The following BEND6 variants were observed in gnomAD, a reference collection of about 807,000 sequenced individuals.
The protein encoded by BEND6 is BEN domain containing 6, also known as BEN domain-containing protein 6.
Under a neutral mutation model 31.8 loss-of-function variants are expected in BEND6, and 24 were observed. That is an observed-to-expected ratio of 0.75 (90% CI 0.55 to 1.06). The LOEUF is 1.06. Among genes scored for constraint, BEND6 ranks in the 50% least tolerant of loss-of-function variants. BEND6 has a pLI of 0.00. For missense variants in BEND6, 294 were observed against 327.4 expected (o/e 0.90, Z 0.79); for synonymous variants, 109 against 114.6 (o/e 0.95, Z 0.31).
chr6:57,023,511 T>C (rs1178890159), intron 6 of BEND6, among the ~76,000 whole-genome samples: 1 of 152,202 alleles, frequency 6.6e-6, no homozygotes, highest in Non-Finnish European at 1.5e-5. Flanking sequence ...TGTGTCTTTA[T>C]AGGTGAAGTG....
At chr6:57,008,927 TATA>T (rs1357961938) in intron 3 of BEND6, 1 of 152,192 alleles carries the variant, frequency 6.6e-6, no homozygotes, top group Non-Finnish European at 1.5e-5. Context: ...ATGTGGCATA[TATA>T]CACAATGGAA....
At chr6:56,968,166 T>A (rs879348377) in intron 1 of BEND6, among the ~76,000 whole-genome samples, 2 of 152,188 alleles carry the variant, frequency 1.3e-5, no homozygotes, top group Non-Finnish European at 2.9e-5. Context: ...ATTCATTCAA[T>A]TAGCTTCAGT....
intron 3 of BEND6, among the ~76,000 whole-genome samples, chr6:56,995,009 T>C (rs989588188): frequency 2.0e-5 from 3 of 152,188 alleles, no homozygotes; most frequent in Non-Finnish European, 4.4e-5. Context: ...GCCATCTCCC[T>C]GCACCTGTGC....
Position 56,992,573 on chromosome 6 carries a change from T to G in BEND6, c.298+18T>G, listed in dbSNP as rs1225887070. ...GCTTCAAGGTAAACTTTGAGAAAAT[T>G]GACATTTTAGATAAAAGGGAAAGTA... On this transcript the variant is annotated intron_variant, in intron 3 of 6. Transcript: ENST00000370746. 2.5e-6 allele frequency: 4 copies of G among 1,596,812 alleles called. No individual in the cohort carries two copies. In the Admixed American group the frequency reaches 7.2e-5, roughly 29 times the overall value.
intron 6 of BEND6, among the ~76,000 whole-genome samples, chr6:57,025,255 G>A (rs1024963928): frequency 7.2e-5 from 11 of 152,154 alleles, no homozygotes; most frequent in South Asian, 4.1e-4. Context: ...ATTGTTTCCT[G>A]TTTGCTATTA....
At chr6:57,008,305 CT>C in intron 3 of BEND6, 1 of 698,014 alleles carries the variant, frequency 1.4e-6, no homozygotes. Context: ...ATTATTTTGG[CT>C]TGCTCCAGGT....
Position 56,955,365 on chromosome 6 carries a change from G to A in BEND6, c.-196G>A, listed in dbSNP as rs12154043. The A allele has an allele frequency of 0.72, 109,480 of 152,222 alleles. 40,072 individuals are homozygous for A. The highest frequency in any genetic ancestry group is 0.89 in the South Asian group (4,294 of 4,830). The allele number at this position is 152,222 out of a possible 1,614,324, so 9.4% of individuals were successfully genotyped here. A position where few individuals can be genotyped will look rare whatever the true frequency, so the allele number is the denominator to read the frequency against. On this transcript the variant is annotated 5_prime_UTR_variant, in exon 1 of 7. Coordinates refer to ENST00000370746, the MANE Select transcript of BEND6 (RefSeq NM_152731.3). ...GCGCCAAGGAGCCAGGGGGAAAACC[G>A]AGAGGCGCTGACAGGAGCCTCCCGG...
intron 3 of BEND6, among the ~76,000 whole-genome samples, chr6:56,998,453 G>A (rs1038647346): frequency 3.3e-5 from 5 of 152,048 alleles, no homozygotes; most frequent in African/African-American, 1.2e-4. Context: ...CAGCACAATA[G>A]GATGTGAAAG....
intron 2 of BEND6, among the ~76,000 whole-genome samples, chr6:56,987,207 T>G (rs894003584): frequency 1.3e-5 from 2 of 152,110 alleles, no homozygotes; most frequent in Non-Finnish European, 2.9e-5. Flanking sequence ...CTTGAACTCC[T>G]GACCTCAACT....
At chr6:57,015,431 T>C (rs1827517403) in intron 4 of BEND6, 78 bp downstream of exon 4, 1 of 1,259,974 alleles carries the variant, frequency 7.9e-7, no homozygotes. Context: ...AAAATGATCA[T>C]TGTTTTATCA....
intron 1 of BEND6, among the ~76,000 whole-genome samples, chr6:56,974,122 A>T (rs967458406): frequency 1.1e-4 from 17 of 152,234 alleles, no homozygotes; most frequent in Non-Finnish European, 2.5e-4. Context: ...ACTGCAGGTA[A>T]CTGAAACTGA....
chr6:57,014,800 C>T (rs1827470856), intron 3 of BEND6, among the ~76,000 whole-genome samples: 1 of 152,040 alleles, frequency 6.6e-6, no homozygotes. Context: ...ACAAGAGATT[C>T]AACTCAACAC....
chr6:57,004,903 C>T, intron 3 of BEND6: 1 of 578,014 alleles, frequency 1.7e-6, no homozygotes, highest in Non-Finnish European at 3.1e-6. Context: ...GTCCCAGCTA[C>T]TCAGGAGGAT....
chr6:56,973,423 G>A (rs550181006), intron 1 of BEND6, among the ~76,000 whole-genome samples: 1 of 152,214 alleles, frequency 6.6e-6, no homozygotes, highest in South Asian at 2.1e-4. Flanking sequence ...GGGTTGTACC[G>A]AACTCTATAT....
intron 3 of BEND6, among the ~76,000 whole-genome samples, chr6:57,000,633 GA>G (rs34750947): frequency 0.089 from 11,849 of 133,480 alleles, 648 homozygotes; most frequent in East Asian, 0.18. Context: ...ATGAGATAAT[GA>G]AAAAAAAAAA....
At position 56,976,397 on chromosome 6, in the gene BEND6, G is replaced by A. The variant is rs139842503; in HGVS notation, c.-100-5314G>A. On this transcript the variant is annotated intron_variant, in intron 1 of 6. Coordinates refer to ENST00000370746, the MANE Select transcript of BEND6 (RefSeq NM_152731.3). ...TTTTTAGTGGAGACAATGTTTCACC[G>A]TGTTAGCCAGGATGGTCTCGATCTC... Among the ~76,000 whole-genome samples the A allele has an allele frequency of 3.2e-3, 492 of 151,902 alleles. 2 individuals carry two copies. The highest frequency in any genetic ancestry group is 0.011 in the African/African-American group (440 of 41,434).
chr6:56,982,814 A>G (rs530144192), intron 2 of BEND6, among the ~76,000 whole-genome samples: 108 of 152,244 alleles, frequency 7.1e-4, no homozygotes, highest in African/African-American at 2.4e-3. Context: ...GTGTTTCTTC[A>G]TTCAAATAAA....
intron 6 of BEND6, among the ~76,000 whole-genome samples, chr6:57,019,020 C>T (rs1373967722): frequency 6.6e-6 from 1 of 152,192 alleles, no homozygotes; most frequent in Non-Finnish European, 1.5e-5. Flanking sequence ...TTACAGCTAG[C>T]TCTAACAGTG....
In BEND6 at chr6:57,015,279, A is replaced by G; in HGVS notation, c.445A>G (p.Ser149Gly). 14 of 1,614,224 alleles carry G rather than the reference A, an allele frequency of 8.7e-6. No homozygotes were observed. The highest frequency in any genetic ancestry group is 1.2e-5 in the Non-Finnish European group (14 of 1,180,032). ...SSPDSFASTC[S>G]NSNSNSSSPV... ...GCCAGATTCATTTGCCTCAACATGC[A>G]GTAATTCTAATTCTAACTCCAGTTC... Residue 149 changes from serine (S) to glycine (G), a missense_variant, in exon 4 of 7, where the codon AGT becomes GGT. Transcript: ENST00000370746.
Sources: gnomAD v4.1 joint callset for allele counts (sites outside exome capture counted in the v4.1 genomes callset) on GRCh38, gnomAD v4.1.1 for gene constraint, MANE v1.5 for transcripts, NCBI Gene and HGNC (gene_info 2026-07-23, HGNC 2026-07-21) for gene names.